The following CDH12 variants were observed in gnomAD, a reference collection of about 807,000 sequenced individuals.
CDH12 encodes cadherin-12.
Under a neutral mutation model 74.1 loss-of-function variants are expected in CDH12, and 41 were observed. The ratio of observed to expected loss-of-function variants is 0.55; its 90% CI spans 0.43 to 0.72. The LOEUF (loss-of-function observed/expected upper bound fraction) is 0.72, where lower values mean the gene tolerates loss of function less well. CDH12 is among the 30% of genes least tolerant of loss of function. The pLI, the probability that CDH12 is intolerant of heterozygous loss-of-function variation, is 0.00. For synonymous variants in CDH12, 399 were observed against 355.0 expected (o/e 1.12, Z -1.39); for missense variants, 945 against 977.2 (o/e 0.97, Z 0.44).
At chr5:22,265,310 G>A (rs112788373) in intron 3 of CDH12, among the ~76,000 whole-genome samples, 388 of 152,274 alleles carry the variant, frequency 2.5e-3, no homozygotes, top group African/African-American at 9.1e-3. Flanking sequence ...ATTATAACAC[G>A]AACACTTTCC....
At chr5:22,848,015 C>T (rs1737384868) in intron 1 of CDH12, among the ~76,000 whole-genome samples, 1 of 152,114 alleles carries the variant, frequency 6.6e-6, no homozygotes, top group African/African-American at 2.4e-5. Context: ...TCCTGAGTAG[C>T]TGGGATGAAA....
At chr5:22,721,930 C>A (rs1743918210) in intron 1 of CDH12, among the ~76,000 whole-genome samples, 1 of 152,118 alleles carries the variant, frequency 6.6e-6, no homozygotes, top group African/African-American at 2.4e-5. Context: ...GCCTCCCCAG[C>A]CATGCAGAAC....
intron 1 of CDH12, among the ~76,000 whole-genome samples, chr5:22,515,800 T>G (rs1314740834): frequency 6.6e-6 from 1 of 152,130 alleles, no homozygotes; most frequent in Non-Finnish European, 1.5e-5. Flanking sequence ...AGTGTAAGAC[T>G]GTTGATACAA....
chr5:22,346,900 G>GA (rs1049028970), intron 3 of CDH12, among the ~76,000 whole-genome samples: 3 of 152,036 alleles, frequency 2.0e-5, no homozygotes, highest in Non-Finnish European at 4.4e-5. Context: ...AAGAAGAAAA[G>GA]AAAAAAACCT....
At chr5:22,252,046 C>T (rs1376357285) in intron 3 of CDH12, among the ~76,000 whole-genome samples, 1 of 151,884 alleles carries the variant, frequency 6.6e-6, no homozygotes, top group Non-Finnish European at 1.5e-5. Context: ...TATCTAAATA[C>T]ATTGAATTGG....
chr5:22,280,084 T>C (rs913820025), intron 3 of CDH12, among the ~76,000 whole-genome samples: 4 of 152,194 alleles, frequency 2.6e-5, no homozygotes, highest in African/African-American at 9.7e-5. Flanking sequence ...TGGTGTGAGA[T>C]GATATCTCAT....
chr5:22,401,590 A>G (rs1742732186), intron 3 of CDH12, among the ~76,000 whole-genome samples: 1 of 152,196 alleles, frequency 6.6e-6, no homozygotes. Flanking sequence ...TGCAGGTCAA[A>G]TACTATAATA....
intron 5 of CDH12, among the ~76,000 whole-genome samples, chr5:22,053,799 C>A (rs150520704): frequency 3.3e-5 from 5 of 152,072 alleles, no homozygotes; most frequent in African/African-American, 7.2e-5. Context: ...CTACCTTTAA[C>A]GGGTGTTTCC....
intron 2 of CDH12, among the ~76,000 whole-genome samples, chr5:22,492,342 C>T (rs1177504105): frequency 1.1e-5 from 1 of 90,782 alleles, no homozygotes; most frequent in African/African-American, 4.5e-5. Context: ...CAGTCTCCTA[C>T]TAAAAATGTT....
intron 6 of CDH12, among the ~76,000 whole-genome samples, chr5:21,918,139 T>G (rs1413814967): frequency 4.1e-5 from 3 of 74,062 alleles, no homozygotes; most frequent in African/African-American, 8.7e-5. Context: ...ACACTGCTAT[T>G]TTTAAAAGAT....
intron 2 of CDH12, among the ~76,000 whole-genome samples, chr5:22,436,100 G>T (rs1337979333): frequency 6.6e-6 from 1 of 151,534 alleles, no homozygotes; most frequent in Non-Finnish European, 1.5e-5. Context: ...AAAAAACGAT[G>T]AGTTAATGTC....
chr5:22,457,204 C>T (rs1745311705), intron 2 of CDH12, among the ~76,000 whole-genome samples: 1 of 152,022 alleles, frequency 6.6e-6, no homozygotes, highest in Non-Finnish European at 1.5e-5. Flanking sequence ...GTTTTAGATT[C>T]TTAGGGCTGC....
At chr5:22,675,035 A>C (rs1741091359) in intron 1 of CDH12, among the ~76,000 whole-genome samples, 1 of 152,248 alleles carries the variant, frequency 6.6e-6, no homozygotes, top group African/African-American at 2.4e-5. Context: ...AGCTGGATAC[A>C]GAAATTTGCA....
intron 4 of CDH12, among the ~76,000 whole-genome samples, chr5:22,126,119 T>C (rs537010693): frequency 5.9e-5 from 9 of 152,150 alleles, no homozygotes; most frequent in Non-Finnish European, 1.2e-4. Context: ...GAGTAAACTA[T>C]TATAGACCTG....
intron 1 of CDH12, among the ~76,000 whole-genome samples, chr5:22,753,915 A>G (rs2127039841): frequency 6.6e-6 from 1 of 152,258 alleles, no homozygotes; most frequent in South Asian, 2.1e-4. Context: ...TGTTGCAATT[A>G]TTATGCCTAT....
At chr5:22,023,493 G>A (rs1360911895) in intron 5 of CDH12, among the ~76,000 whole-genome samples, 6 of 151,426 alleles carry the variant, frequency 4.0e-5, no homozygotes, top group Non-Finnish European at 5.9e-5. Context: ...ATATTTATCT[G>A]TCTATTATCT....
intron 6 of CDH12, among the ~76,000 whole-genome samples, chr5:21,890,864 C>G (rs921368594): frequency 6.6e-6 from 1 of 151,842 alleles, no homozygotes; most frequent in Non-Finnish European, 1.5e-5. Flanking sequence ...AAAGAAAGAG[C>G]AAAAATAGAA....
intron 2 of CDH12, among the ~76,000 whole-genome samples, chr5:22,467,184 C>A (rs1017442851): frequency 6.6e-6 from 1 of 152,046 alleles, no homozygotes; most frequent in Non-Finnish European, 1.5e-5. Context: ...CTCATACTGG[C>A]ATGAGATGAG....
chr5:22,561,910 T>C lies in CDH12; in HGVS notation c.-522-56546A>G, dbSNP rs1057383961. Among the ~76,000 whole-genome samples, 11 of 152,200 alleles carry C rather than the reference T, an allele frequency of 7.2e-5. 1 individual carries two copies. Among genetic ancestry groups the C allele is most frequent in the Admixed American group, 5.9e-4 (9 of 15,274 alleles). ...GTATCTATTAAATAGAAACCTTTTT[T>C]TGGATGAAACATGCATGGATTAATC... On this transcript the variant is annotated intron_variant, in intron 1 of 14. Transcript: ENST00000382254.
Sources: gnomAD v4.1 joint callset for allele counts (sites outside exome capture counted in the v4.1 genomes callset) on GRCh38, gnomAD v4.1.1 for gene constraint, MANE v1.5 for transcripts, NCBI Gene and HGNC (gene_info 2026-07-23, HGNC 2026-07-21) for gene names.